NKAIN3: variants seen among roughly 807,000 people sequenced by gnomAD.
NKAIN3 encodes the protein sodium/potassium transporting ATPase interacting 3, also known as sodium/potassium-transporting ATPase subunit beta-1-interacting protein 3.
In NKAIN3, 25 loss-of-function variants were observed where a neutral mutation model predicts 30.2. The ratio of observed to expected loss-of-function variants is 0.83; its 90% CI spans 0.60 to 1.16. The LOEUF (loss-of-function observed/expected upper bound fraction) is 1.16. Ranked by LOEUF, NKAIN3 falls within the 50% of genes most tolerant of loss-of-function variation. The probability of loss-of-function intolerance (pLI) is 0.00; values close to 1 mark genes in which losing one functional copy is unlikely to be tolerated. For synonymous variants in NKAIN3, 91 were observed against 89.6 expected, an observed-to-expected ratio of 1.02 and a Z score of -0.09; for missense variants, 225 against 254.1, an observed-to-expected ratio of 0.89 and a Z score of 0.78.
intron 4 of NKAIN3, among the ~76,000 whole-genome samples, chr8:62,834,648 G>C (rs1819304132): frequency 6.6e-6 from 1 of 151,840 alleles, no homozygotes; most frequent in African/African-American, 2.4e-5. Flanking sequence ...TCTCTACAAA[G>C]AGAACTATAA....
intron 4 of NKAIN3, among the ~76,000 whole-genome samples, chr8:62,822,918 C>A (rs1600533): frequency 0.013 from 1,939 of 152,244 alleles, 35 homozygotes; most frequent in African/African-American, 0.042. Flanking sequence ...GGCTACAAAC[C>A]TGTACAGCAT....
intron 1 of NKAIN3, among the ~76,000 whole-genome samples, chr8:62,567,197 G>C (rs1448548159): frequency 6.6e-6 from 1 of 152,112 alleles, no homozygotes; most frequent in Non-Finnish European, 1.5e-5. Context: ...TAATAGGGTT[G>C]GTCCTAGAAG....
chr8:62,801,177 C>T (rs1238058317), intron 4 of NKAIN3, among the ~76,000 whole-genome samples: 1 of 152,240 alleles, frequency 6.6e-6, no homozygotes, highest in African/African-American at 2.4e-5. Flanking sequence ...TAGGCTCCAC[C>T]TCTGGGGGCA....
At chr8:62,849,571 G>C (rs1204520919) in intron 4 of NKAIN3, among the ~76,000 whole-genome samples, 1 of 151,128 alleles carries the variant, frequency 6.6e-6, no homozygotes, top group African/African-American at 2.4e-5. Flanking sequence ...TTAACATTAG[G>C]TATATCTCCT....
intron 6 of NKAIN3, among the ~76,000 whole-genome samples, chr8:62,964,516 TAGAGAAAG>T (rs1406337040): frequency 2.1e-5 from 3 of 139,604 alleles, no homozygotes; most frequent in Non-Finnish European, 4.6e-5. Context: ...ACAGAACCAG[TAGAGAAAG>T]AGAGAGAGAG....
At position 62,592,707 on chromosome 8, in the gene NKAIN3, A is replaced by G. The variant is rs182485144; in HGVS notation, c.273+2913A>G. On this transcript the variant is annotated intron_variant, in intron 3 of 6. Coordinates refer to ENST00000623646, the MANE Select transcript of NKAIN3 (RefSeq NM_001304533.3). ...CAATAGTTAATGTTATTTATATGAA[A>G]TACACATTAAACATAAATACATACA... 3.7e-3 allele frequency among the ~76,000 whole-genome samples: 562 copies of G among 152,114 alleles called. 1 individual carries two copies. The highest frequency in any genetic ancestry group is 0.012 in the African/African-American group (519 of 41,564).
intron 1 of NKAIN3, among the ~76,000 whole-genome samples, chr8:62,488,814 G>T (rs1413418182): frequency 6.6e-6 from 1 of 152,104 alleles, no homozygotes; most frequent in Non-Finnish European, 1.5e-5. Context: ...TGTGTGTAGG[G>T]CTGTATTAAT....
chr8:62,630,261 A>G (rs1046050863), intron 3 of NKAIN3, among the ~76,000 whole-genome samples: 1 of 152,168 alleles, frequency 6.6e-6, no homozygotes, highest in African/African-American at 2.4e-5. Context: ...AGTACTGTAC[A>G]TTAGAAAATT....
rs144814644 is a variant in NKAIN3 at position 62,296,462 on chromosome 8, G to A, written c.54+47335G>A. 7.2e-5 allele frequency among the ~76,000 whole-genome samples: 11 copies of A among 152,242 alleles called. No individual in the cohort carries two copies. The East Asian group carries it at 2.1e-3, about 29-fold the overall frequency. ...CCAATAAACAGTTATAAGAAATTCTGTGTGCCTTATGTTTGAAAATCTTTG... is the reference window on the plus strand; with the variant it reads ...CCAATAAACAGTTATAAGAAATTCTATGTGCCTTATGTTTGAAAATCTTTG... On this transcript the variant is annotated intron_variant, in intron 1 of 6. Coordinates refer to ENST00000623646, the MANE Select transcript of NKAIN3 (RefSeq NM_001304533.3).
intron 5 of NKAIN3, among the ~76,000 whole-genome samples, chr8:62,941,537 G>A (rs1412539585): frequency 1.3e-5 from 2 of 152,012 alleles, no homozygotes; most frequent in Admixed American, 6.6e-5. Flanking sequence ...AAATCCAATA[G>A]CATATTAAAA....
At chr8:62,316,077 C>G (rs938079939) in intron 1 of NKAIN3, among the ~76,000 whole-genome samples, 1 of 152,082 alleles carries the variant, frequency 6.6e-6, no homozygotes, top group Admixed American at 6.6e-5. Context: ...CTGCACTTCT[C>G]CTTGCTGCCA....
chr8:62,966,917 T>G lies in NKAIN3; in HGVS notation c.*1510T>G, dbSNP rs12541047. On this transcript the variant is annotated 3_prime_UTR_variant, in exon 7 of 7. Transcript: ENST00000623646. The stretch of plus-strand genomic sequence containing the variant: ...TGTTCTTCTTTCGGAGCCTATAGGT[T>G]TCATGAGACTCTGTTAAGAATCAGA... Among the ~76,000 whole-genome samples, 10,142 of 152,220 alleles carry G rather than the reference T, an allele frequency of 0.067. 587 individuals are homozygous for G. The highest frequency in any genetic ancestry group is 0.28 in the East Asian group (1,450 of 5,170).
chr8:62,959,619 C>G (rs889581539), intron 6 of NKAIN3, among the ~76,000 whole-genome samples: 8 of 152,130 alleles, frequency 5.3e-5, no homozygotes, highest in Non-Finnish European at 2.9e-5. Context: ...CCTTAATTAG[C>G]CTTCACATCT....
At chr8:62,453,685 C>A (rs897473144) in intron 1 of NKAIN3, among the ~76,000 whole-genome samples, 2 of 151,984 alleles carry the variant, frequency 1.3e-5, no homozygotes, top group African/African-American at 4.8e-5. Context: ...TCAGAAATGA[C>A]AAAGGGGGCA....
At chr8:62,547,794 G>A (rs558870903) in intron 1 of NKAIN3, among the ~76,000 whole-genome samples, 2 of 152,284 alleles carry the variant, frequency 1.3e-5, no homozygotes, top group South Asian at 2.1e-4. Context: ...ATATTGATTG[G>A]CACACAATGT....
chr8:62,341,579 T>G (rs970586266), intron 1 of NKAIN3, among the ~76,000 whole-genome samples: 1 of 152,068 alleles, frequency 6.6e-6, no homozygotes, highest in African/African-American at 2.4e-5. Flanking sequence ...GAAATTACCT[T>G]TGTTCAAATA....
At chr8:62,497,041 C>A (rs1483821637) in intron 1 of NKAIN3, among the ~76,000 whole-genome samples, 1 of 150,970 alleles carries the variant, frequency 6.6e-6, no homozygotes, top group African/African-American at 2.4e-5. Flanking sequence ...AGTTCAAGTT[C>A]TTTTTTTTTA....
intron 4 of NKAIN3, among the ~76,000 whole-genome samples, chr8:62,842,792 A>G (rs1819571557): frequency 6.6e-6 from 1 of 152,096 alleles, no homozygotes; most frequent in African/African-American, 2.4e-5. Flanking sequence ...TTGTTCAAGG[A>G]AAACCAGTTA....
chr8:62,819,820 C>T (rs1386940747), intron 4 of NKAIN3, among the ~76,000 whole-genome samples: 1 of 152,054 alleles, frequency 6.6e-6, no homozygotes, highest in Non-Finnish European at 1.5e-5. Context: ...TTAAAACCTT[C>T]TACCCAAAAG....
Sources: gnomAD v4.1 joint callset for allele counts (sites outside exome capture counted in the v4.1 genomes callset) on GRCh38, gnomAD v4.1.1 for gene constraint, MANE v1.5 for transcripts, NCBI Gene and HGNC (gene_info 2026-07-23, HGNC 2026-07-21) for gene names.